The following DNAH3 variants were observed in gnomAD, a reference collection of about 807,000 sequenced individuals.
DNAH3 encodes dynein axonemal heavy chain 3.
DNAH3 carries 332 observed loss-of-function variants against 432.5 expected under a neutral mutation model. The ratio of observed to expected loss-of-function variants is 0.77; its 90% CI spans 0.70 to 0.84. The LOEUF is 0.84. Among genes scored for constraint, DNAH3 ranks in the 40% least tolerant of loss-of-function variants. The pLI, the probability that DNAH3 is intolerant of heterozygous loss-of-function variation, is 0.00. For missense variants in DNAH3, 4,861 were observed against 5,114.0 expected, an observed-to-expected ratio of 0.95 and a Z score of 1.51; for synonymous variants, 1,956 against 1,900.2, an observed-to-expected ratio of 1.03 and a Z score of -0.76.
intron 14 of DNAH3, among the ~76,000 whole-genome samples, chr16:21,109,122 CAAAA>C (rs201303338): frequency 1.6e-5 from 1 of 62,372 alleles, no homozygotes; most frequent in Non-Finnish European, 3.4e-5. Context: ...GACTCTGTCT[CAAAA>C]AAAAAAAAAA....
intron 21 of DNAH3, among the ~76,000 whole-genome samples, chr16:21,072,002 T>G (rs979452018): frequency 6.6e-6 from 1 of 152,162 alleles, no homozygotes; most frequent in African/African-American, 2.4e-5. Flanking sequence ...TTCTGGTTAT[T>G]TAAAAATAAA....
chr16:20,940,754 C>T (rs899964141), intron 59 of DNAH3, among the ~76,000 whole-genome samples: 3 of 151,936 alleles, frequency 2.0e-5, no homozygotes, highest in Non-Finnish European at 4.4e-5. Context: ...TTGAATGAGA[C>T]CCATGCATAG....
chr16:20,969,765 C>T (rs1397852889), intron 52 of DNAH3, 27 bp downstream of exon 52: 2 of 1,613,292 alleles, frequency 1.2e-6, no homozygotes, highest in Admixed American at 3.3e-5. Flanking sequence ...GCAGCCTGTG[C>T]AGGCATCTGG....
chr16:21,063,946 T>A (rs1429796017), intron 24 of DNAH3, among the ~76,000 whole-genome samples: 1 of 152,210 alleles, frequency 6.6e-6, no homozygotes, highest in Admixed American at 6.5e-5. Flanking sequence ...TTCAAACCTG[T>A]ACTGTGACCA....
chr16:20,979,987 T>A (rs950900440), intron 49 of DNAH3, among the ~76,000 whole-genome samples: 1 of 151,850 alleles, frequency 6.6e-6, no homozygotes, highest in Non-Finnish European at 1.5e-5. Flanking sequence ...TGACCTCAGG[T>A]GATCTGCCCA....
At chr16:20,994,851 T>C (rs28868590) in intron 44 of DNAH3, among the ~76,000 whole-genome samples, 1 of 149,522 alleles carries the variant, frequency 6.7e-6, no homozygotes, top group African/African-American at 2.4e-5. Context: ...TCTTTTTTTT[T>C]AAAAAAATCC....
At position 21,034,019 on chromosome 16, in the gene DNAH3, AG is replaced by A; in HGVS notation, c.5151del (p.Ser1718LeufsTer46). ...GCTGCAGCCAACACTTTATAAGCAG[AG>A]GTCTTGCCGCCCATGGGGTCTCCTA... On this transcript the variant is annotated frameshift_variant, in exon 36 of 62. Transcript: ENST00000261383. LOFTEE classifies it high-confidence loss of function. The A allele has an allele frequency of 6.2e-7, 1 of 1,613,904 alleles. No homozygotes were observed. The highest frequency in any genetic ancestry group is 8.5e-7 in the Non-Finnish European group (1 of 1,179,892).
At chr16:21,003,278 T>A in intron 41 of DNAH3, 71 bp from the exon 42 acceptor site, 1 of 1,004,606 alleles carries the variant, frequency 1.0e-6, no homozygotes, top group Non-Finnish European at 1.5e-6. Flanking sequence ...TTGAGGATTT[T>A]AAGTCCCTCA....
intron 7 of DNAH3, among the ~76,000 whole-genome samples, chr16:21,130,827 TC>T (rs2092542520): frequency 6.6e-6 from 1 of 152,224 alleles, no homozygotes; most frequent in African/African-American, 2.4e-5. Context: ...CTTCTGAACT[TC>T]TTTATGAAGT....
In DNAH3 at chr16:20,988,105, A is replaced by G. The variant is rs762386991; in HGVS notation, c.6602-40T>C. 5.6e-6 allele frequency: 9 copies of G among 1,609,896 alleles called. No homozygotes were observed. The East Asian group carries it at 2.0e-4, about 36-fold the overall frequency. On this transcript the variant is annotated intron_variant, in intron 44 of 61. Coordinates refer to ENST00000261383, the Ensembl canonical transcript of DNAH3. ...ACACAAGTGAATCATCCTGGAAAACACATATTCTCACACTGTCTGTGACCC... is the reference window on the plus strand; with the variant it reads ...ACACAAGTGAATCATCCTGGAAAACGCATATTCTCACACTGTCTGTGACCC...
chr16:20,999,039 T>G (rs118022994), intron 43 of DNAH3, among the ~76,000 whole-genome samples: 10,561 of 152,142 alleles, frequency 0.069, 493 homozygotes, highest in Non-Finnish European at 0.1. Flanking sequence ...GGAAGATCAC[T>G]TGAGGCCAGG....
chr16:21,070,866 C>T, intron 21 of DNAH3, 40 bp from the exon 22 acceptor site: 1 of 1,245,356 alleles, frequency 8.0e-7, no homozygotes, highest in East Asian at 2.3e-5. Context: ...GATTGTGAAA[C>T]CTCCCCATTT....
chr16:21,118,084 C>T (rs2152809320), intron 11 of DNAH3, among the ~76,000 whole-genome samples: 1 of 151,478 alleles, frequency 6.6e-6, no homozygotes, highest in South Asian at 2.1e-4. Context: ...GCCTCCTGGG[C>T]TCAAGCGATT....
intron 57 of DNAH3, among the ~76,000 whole-genome samples, chr16:20,947,461 C>A (rs1006488879): frequency 6.6e-6 from 1 of 152,130 alleles, no homozygotes; most frequent in Admixed American, 6.5e-5. Context: ...AGAACCCCAA[C>A]GTGAAGCTGG....
At chr16:21,081,814 T>C in intron 19 of DNAH3, 87 bp from the exon 20 acceptor site, 1 of 1,112,240 alleles carries the variant, frequency 9.0e-7, no homozygotes, top group Non-Finnish European at 1.3e-6. Flanking sequence ...ATGTTCTTTT[T>C]ATCTGCACTG....
intron 41 of DNAH3, among the ~76,000 whole-genome samples, chr16:21,013,251 C>T (rs1014390486): frequency 2.0e-5 from 3 of 151,616 alleles, no homozygotes; most frequent in Admixed American, 6.6e-5. Flanking sequence ...ATTGATAGGC[C>T]GGGCACAGTG....
At chr16:21,010,794 C>G (rs1010644786) in intron 41 of DNAH3, among the ~76,000 whole-genome samples, 3 of 151,790 alleles carry the variant, frequency 2.0e-5, no homozygotes, top group Admixed American at 6.6e-5. Flanking sequence ...GTTGCCCAGG[C>G]TAGTCTCAAA....
chr16:21,157,968 G>A (rs1240112218), intron 1 of DNAH3, among the ~76,000 whole-genome samples: 2 of 151,736 alleles, frequency 1.3e-5, no homozygotes, highest in African/African-American at 4.8e-5. Flanking sequence ...CTAGGATATT[G>A]CTAAACATTC....
chr16:20,994,192 G>A (rs1451092606), intron 44 of DNAH3, among the ~76,000 whole-genome samples: 1 of 152,100 alleles, frequency 6.6e-6, no homozygotes, highest in Non-Finnish European at 1.5e-5. Context: ...TACTTTGGGA[G>A]GCCGAGGTGG....
Sources: gnomAD v4.1 joint callset for allele counts (sites outside exome capture counted in the v4.1 genomes callset) on GRCh38, gnomAD v4.1.1 for gene constraint, MANE v1.5 for transcripts, NCBI Gene and HGNC (gene_info 2026-07-23, HGNC 2026-07-21) for gene names.